The following P2RX5 variants were observed in gnomAD, a reference collection of about 807,000 sequenced individuals.
The protein encoded by P2RX5 is P2X purinoceptor 5.
A neutral mutation model predicts 54.1 loss-of-function variants in P2RX5; 46 were observed. That is an observed-to-expected ratio of 0.85 (90% CI 0.67 to 1.09). The LOEUF (loss-of-function observed/expected upper bound fraction) is 1.09, where lower values mean the gene tolerates loss of function less well. Ranked by LOEUF, P2RX5 falls within the 50% of genes least tolerant of loss-of-function variation. The pLI is 0.00. For missense variants in P2RX5, 566 were observed against 549.8 expected (o/e 1.03, Z -0.29); for synonymous variants, 226 against 226.4 (o/e 1.00, Z 0.02).
rs2050754020 is a variant in P2RX5 at position 3,696,109 on chromosome 17, T to C, written c.-104A>G. The C allele has an allele frequency of 3.1e-6, 4 of 1,286,412 alleles. No individual in the cohort carries two copies. Among genetic ancestry groups the C allele is most frequent in the Non-Finnish European group, 4.1e-6 (4 of 977,586 alleles). The allele number at this position is 1,286,412 out of a possible 1,614,324, so 79.7% of individuals were successfully genotyped here. A position where few individuals can be genotyped will look rare whatever the true frequency, so the allele number is the denominator to read the frequency against. ...CGCCCGGCGCCCGCCTCGGCCCGTC[T>C]GCGCCCGCTCAGCTGCAGCCCGGGG... On this transcript the variant is annotated 5_prime_UTR_variant, in exon 1 of 12. Transcript: ENST00000225328.
chr17:3,681,144 G>A (rs1408896831), intron 10 of P2RX5, among the ~76,000 whole-genome samples: 1 of 152,140 alleles, frequency 6.6e-6, no homozygotes, highest in Non-Finnish European at 1.5e-5. Flanking sequence ...GGTTCAGCCT[G>A]TGGCCAGGGT....
chr17:3,704,102 C>CA, the P2RX5 span, among the ~76,000 whole-genome samples: 25 of 39,656 alleles, frequency 6.3e-4, no homozygotes, highest in East Asian at 0.068. Flanking sequence ...AACTCTGCCT[C>CA]AAAAAAACAA....
At chr17:3,719,253 A>AAAG in the P2RX5 span, among the ~76,000 whole-genome samples, 27 of 109,550 alleles carry the variant, frequency 2.5e-4, 1 homozygote, top group African/African-American at 3.1e-4. Context: ...AAAAAAAAAA[A>AAAG]AAAGAAAAGA....
chr17:3,680,157 C>T (rs1186022316), intron 10 of P2RX5, among the ~76,000 whole-genome samples: 2 of 120,176 alleles, frequency 1.7e-5, no homozygotes, highest in East Asian at 2.9e-4. Context: ...GTCCTCCATC[C>T]GGTGTCCTCC....
intron 10 of P2RX5, among the ~76,000 whole-genome samples, chr17:3,680,961 G>GTCCTCCACCCTGCA (rs1567730982): frequency 8.5e-6 from 1 of 117,180 alleles, no homozygotes; most frequent in Non-Finnish European, 1.7e-5. Context: ...TCCACCCAGC[G>GTCCTCCACCCTGCA]TCCTCCACCC....
At chr17:3,716,724 A>C in the P2RX5 span, 60 of 1,610,644 alleles carry the variant, frequency 3.7e-5, no homozygotes, top group Non-Finnish European at 5.0e-5. Flanking sequence ...TCAACACCAG[A>C]AGTCCACCAA....
chr17:3,679,654 T>G lies in P2RX5; in HGVS notation c.1195A>C (p.Lys399Gln), dbSNP rs1245016961. ...CCCTTCTGACTGCTGCTTCCACGCT[T>G]CGCCTCGGGTGGCTCCTGCAGCTCC... ...QQELQEPPEA[K>Q]RGSSSQKGNG... The change falls in exon 11 of 12, where the codon AAG becomes CAG. Residue 399 changes from lysine (K) to glutamine (Q), a missense_variant. Transcript: ENST00000225328. 1.9e-6 allele frequency: 3 copies of G among 1,610,804 alleles called. No individual in the cohort carries two copies. Among genetic ancestry groups the G allele is most frequent in the Non-Finnish European group, 2.5e-6 (3 of 1,179,826 alleles).
chr17:3,690,593 C>T lies in P2RX5; in HGVS notation c.436+12G>A, dbSNP rs1597268612. 1.1e-5 allele frequency: 18 copies of T among 1,613,322 alleles called. 1 individual carries two copies. Among genetic ancestry groups the T allele is most frequent in the Non-Finnish European group, 1.5e-5 (18 of 1,179,820 alleles). ...AGTCCTCCTTCAGCCCGTGGCCGCT[C>T]CAGGCCCTCACCGTTTCCAGCTGTA... On this transcript the variant is annotated intron_variant, in intron 4 of 11. Transcript: ENST00000225328.
intron 1 of P2RX5, among the ~76,000 whole-genome samples, chr17:3,695,522 C>A (rs2050732586): frequency 6.6e-6 from 1 of 152,166 alleles, no homozygotes. Flanking sequence ...CAGCTGCCAC[C>A]CAGCCCCCTG....
intron 9 of P2RX5, among the ~76,000 whole-genome samples, chr17:3,683,691 T>C (rs1034866068): frequency 2.5e-4 from 38 of 149,520 alleles, no homozygotes; most frequent in African/African-American, 8.9e-4. Context: ...GATCATGCCA[T>C]TGCACTCCAG....
At chr17:3,710,911 G>T in the P2RX5 span, among the ~76,000 whole-genome samples, 1 of 152,158 alleles carries the variant, frequency 6.6e-6, no homozygotes, top group Admixed American at 6.5e-5. Flanking sequence ...ATGAACGAGA[G>T]CGAGACCCTG....
chr17:3,684,547 A>G (rs1181978257), intron 9 of P2RX5, among the ~76,000 whole-genome samples: 1 of 152,216 alleles, frequency 6.6e-6, no homozygotes, highest in African/African-American at 2.4e-5. Context: ...GACTGCAGTG[A>G]GCCATGATCA....
In P2RX5 at chr17:3,674,557, C is replaced by T. The variant is rs1290631650; in HGVS notation, c.1260-680G>A. The stretch of plus-strand genomic sequence containing the variant: ...GAAGGCTTGGCCGGCCTTGAAGAAA[C>T]AATGAGGTTAAATCCTCTAAGGAAG... On this transcript the variant is annotated intron_variant, in intron 11 of 11. Transcript: ENST00000225328. 2.0e-5 allele frequency among the ~76,000 whole-genome samples: 3 copies of T among 152,184 alleles called. No individual in the cohort carries two copies. The East Asian group carries it at 5.8e-4, about 29-fold the overall frequency.
In P2RX5 at chr17:3,679,750, C is replaced by G. The variant is rs140372061; in HGVS notation, c.1099G>C (p.Glu367Gln). The change falls in exon 11 of 12, where the codon GAG becomes CAG. Residue 367 changes from glutamate to glutamine, a missense_variant. Transcript: ENST00000225328. ...TCAGATAGCCCCAGCCCCGATGCCT[C>G]GTCCTCGGCCTCCTGGGAACTGTCT... is the stretch of plus-strand genomic sequence containing the variant. ...LEDSSQEAED[E>Q]ASGLGLSEQL... 1.2e-6 allele frequency: 2 copies of G among 1,611,748 alleles called. No individual in the cohort carries two copies. Among genetic ancestry groups the G allele is most frequent in the Admixed American group, 1.7e-5 (1 of 59,968 alleles).
At chr17:3,700,981 TGCCTCACC>T (rs1450608462), upstream of P2RX5, among the ~76,000 whole-genome samples, 1 of 152,134 alleles carries the variant, frequency 6.6e-6, no homozygotes, top group Non-Finnish European at 1.5e-5. Context: ...ACCCCCTCAC[TGCCTCACC>T]ACGGCCCCCC....
At chr17:3,717,757 G>A in the P2RX5 span, 4 of 152,190 alleles carry the variant, frequency 2.6e-5, no homozygotes, top group Non-Finnish European at 5.9e-5. Context: ...TGACCTTCCA[G>A]TCCTATTTAG....
At chr17:3,715,767 T>C in the P2RX5 span, among the ~76,000 whole-genome samples, 2 of 152,016 alleles carry the variant, frequency 1.3e-5, no homozygotes, top group East Asian at 3.9e-4. Flanking sequence ...GAGACTAAGA[T>C]GGGAGGATCA....
chr17:3,699,905 G>A (rs1489443009), upstream of P2RX5, among the ~76,000 whole-genome samples: 139 of 35,478 alleles, frequency 3.9e-3, 2 homozygotes, highest in South Asian at 0.019. Context: ...AAGGAAGGAA[G>A]GAAGGAAGGA....
chr17:3,723,632 G>C, the P2RX5 span: 1 of 1,491,358 alleles, frequency 6.7e-7, no homozygotes, highest in South Asian at 1.3e-5. Context: ...CTGGCCTCTC[G>C]TTACCCGCTT....
Sources: allele counts gnomAD v4.1 joint callset (sites outside exome capture counted in the v4.1 genomes callset), GRCh38; gene constraint gnomAD v4.1.1; transcripts MANE v1.5; gene names NCBI Gene and HGNC (gene_info 2026-07-23, HGNC 2026-07-21).